The following ZNF69 variants were observed in gnomAD, a reference collection of about 807,000 sequenced individuals.
ZNF69 encodes zinc finger protein 69, also known as ZNF3.
In ZNF69, 47 loss-of-function variants were observed where a neutral mutation model predicts 50.9. The ratio of observed to expected loss-of-function variants is 0.92; its 90% CI spans 0.73 to 1.18. The LOEUF (loss-of-function observed/expected upper bound fraction) is 1.18, where lower values mean the gene tolerates loss of function less well. Among genes scored for constraint, ZNF69 ranks in the 50% most tolerant of loss-of-function variants. The probability of loss-of-function intolerance (pLI) is 0.00; values close to 1 mark genes in which losing one functional copy is unlikely to be tolerated. For missense variants in ZNF69, 717 were observed against 675.1 expected, an observed-to-expected ratio of 1.06 and a Z score of -0.69; for synonymous variants, 216 against 223.1, an observed-to-expected ratio of 0.97 and a Z score of 0.29.
At chr19:11,957,155 G>A in the ZNF69 span, among the ~76,000 whole-genome samples, 4 of 149,636 alleles carry the variant, frequency 2.7e-5, no homozygotes, top group Non-Finnish European at 5.9e-5. Flanking sequence ...GCAGTGGCAC[G>A]ATCTCAGCTC....
chr19:11,950,267 A>G, the ZNF69 span: 2 of 1,596,302 alleles, frequency 1.3e-6, no homozygotes, highest in Non-Finnish European at 1.7e-6. Flanking sequence ...GGTTCCTTTT[A>G]TGGACATGAA....
chr19:11,951,073 C>A, the ZNF69 span, among the ~76,000 whole-genome samples: 35 of 149,174 alleles, frequency 2.3e-4, no homozygotes, highest in Non-Finnish European at 4.3e-4. Context: ...ATCGCTTGAA[C>A]CTGGGAGGCG....
the ZNF69 span, chr19:11,979,367 G>C: frequency 8.1e-6 from 13 of 1,607,136 alleles, no homozygotes; most frequent in African/African-American, 9.5e-5. Context: ...TGAGTGTAAG[G>C]AATGTGGGAA....
At chr19:11,951,422 G>T in the ZNF69 span, among the ~76,000 whole-genome samples, 1 of 151,522 alleles carries the variant, frequency 6.6e-6, no homozygotes, top group Non-Finnish European at 1.5e-5. Context: ...GTAGAGATGG[G>T]ATTTCACCAT....
At chr19:11,937,669 T>C in the ZNF69 span, among the ~76,000 whole-genome samples, 2 of 151,848 alleles carry the variant, frequency 1.3e-5, no homozygotes, top group African/African-American at 4.8e-5. Context: ...TTTGTATTTT[T>C]AGTAGAGACG....
chr19:11,941,792 G>T, the ZNF69 span, among the ~76,000 whole-genome samples: 1 of 152,246 alleles, frequency 6.6e-6, no homozygotes, highest in Non-Finnish European at 1.5e-5. Context: ...CAAAGTGGGA[G>T]CCCAGGCAGG....
the ZNF69 span, chr19:11,978,140 T>C: frequency 6.2e-7 from 1 of 1,613,134 alleles, no homozygotes; most frequent in Non-Finnish European, 8.5e-7. Flanking sequence ...GGAATGTCAA[T>C]GAAATTAAAG....
the ZNF69 span, among the ~76,000 whole-genome samples, chr19:11,927,816 TTTTGTGATCATGGGTTGTGAC>T: frequency 1.3e-5 from 2 of 152,290 alleles, no homozygotes; most frequent in African/African-American, 2.4e-5. Flanking sequence ...ATGGGAAACA[TTTTGTGATCATGGGTTGTGAC>T]TGACAAGGAG....
the ZNF69 span, among the ~76,000 whole-genome samples, chr19:11,965,929 A>C: frequency 2.0e-5 from 3 of 152,284 alleles, no homozygotes; most frequent in Admixed American, 2.0e-4. Context: ...AAGGGGGGTT[A>C]GAAGGCACAG....
chr19:11,974,393 T>C, the ZNF69 span, among the ~76,000 whole-genome samples: 25 of 151,458 alleles, frequency 1.7e-4, no homozygotes, highest in African/African-American at 5.8e-4. Context: ...GATGACATTT[T>C]ACCATGTTGG....
downstream of ZNF69, among the ~76,000 whole-genome samples, chr19:11,917,976 C>T (rs778499291): frequency 1.4e-4 from 22 of 152,006 alleles, no homozygotes; most frequent in Middle Eastern, 3.4e-3. Context: ...TTAGTAGAGA[C>T]GGTTTCACCA....
At chr19:11,927,461 A>G in the ZNF69 span, among the ~76,000 whole-genome samples, 2 of 149,572 alleles carry the variant, frequency 1.3e-5, no homozygotes, top group African/African-American at 2.5e-5. Flanking sequence ...TAAATAAATA[A>G]ATAGAAAAGG....
the ZNF69 span, among the ~76,000 whole-genome samples, chr19:11,930,738 C>T: frequency 8.8e-5 from 13 of 148,080 alleles, 1 homozygote; most frequent in East Asian, 1.9e-4. Flanking sequence ...TGGTGGCTCA[C>T]GCCTGTAATA....
chr19:11,897,733 G>A (rs542702434), intron 1 of ZNF69, among the ~76,000 whole-genome samples: 8 of 150,480 alleles, frequency 5.3e-5, no homozygotes, highest in Admixed American at 3.3e-4. Context: ...TTAGCCGAGC[G>A]TGGTGGTGGG....
chr19:11,950,102 T>C, the ZNF69 span: 6 of 1,614,128 alleles, frequency 3.7e-6, no homozygotes, highest in Middle Eastern at 3.3e-4. Context: ...ATTCTTCAAA[T>C]ACATGCAAGA....
chr19:11,913,069 T>C (rs1972480891), intron 4 of ZNF69, among the ~76,000 whole-genome samples: 1 of 151,948 alleles, frequency 6.6e-6, no homozygotes, highest in Admixed American at 6.6e-5. Context: ...TGGTGGTGGG[T>C]GCCTGCAGTC....
chr19:11,964,159 C>T, the ZNF69 span, among the ~76,000 whole-genome samples: 1 of 152,188 alleles, frequency 6.6e-6, no homozygotes, highest in Non-Finnish European at 1.5e-5. Flanking sequence ...CCCGGGCAGC[C>T]CGCCCTCCCC....
At chr19:11,915,804 T>G (rs1393801887), downstream of ZNF69, among the ~76,000 whole-genome samples, 1 of 152,168 alleles carries the variant, frequency 6.6e-6, no homozygotes, top group East Asian at 1.9e-4. Flanking sequence ...GTTGGGAGGC[T>G]GAGGCACGAG....
chr19:11,915,017 A>G (rs989526252), downstream of ZNF69, among the ~76,000 whole-genome samples: 1 of 152,214 alleles, frequency 6.6e-6, no homozygotes, highest in African/African-American at 2.4e-5. Context: ...AAGCCTGACC[A>G]ACATGGTGAA....
Sources: gnomAD v4.1 joint callset for allele counts (sites outside exome capture counted in the v4.1 genomes callset) on GRCh38, gnomAD v4.1.1 for gene constraint, MANE v1.5 for transcripts, NCBI Gene and HGNC (gene_info 2026-07-23, HGNC 2026-07-21) for gene names.